SENP6: variants seen among roughly 807,000 people sequenced by gnomAD.
SENP6 encodes the protein sentrin-specific protease 6.
A neutral mutation model predicts 134.5 loss-of-function variants in SENP6; 41 were observed. The observed-to-expected ratio is 0.30, with a 90% CI of 0.24 to 0.40. SENP6 has a LOEUF of 0.40. Among genes scored for constraint, SENP6 ranks in the 10% least tolerant of loss-of-function variants. The probability of loss-of-function intolerance (pLI) is 1.00; values close to 1 mark genes in which losing one functional copy is unlikely to be tolerated. For synonymous variants in SENP6, 395 were observed against 429.8 expected (o/e 0.92, Z 1.00); for missense variants, 1,248 against 1,312.5 (o/e 0.95, Z 0.76).
chr6:75,663,094 G>A (rs1376686696), intron 8 of SENP6, 127 bp from the exon 9 acceptor site: 2 of 891,950 alleles, frequency 2.2e-6, no homozygotes, highest in African/African-American at 3.4e-5. Flanking sequence ...GCAGTAAAAT[G>A]CCAAAATCTT....
intron 11 of SENP6, among the ~76,000 whole-genome samples, chr6:75,673,983 T>C (rs1772884035): frequency 6.6e-6 from 1 of 152,010 alleles, no homozygotes; most frequent in Non-Finnish European, 1.5e-5. Flanking sequence ...ATTGTGCCAC[T>C]GCCTTCCAGC....
intron 12 of SENP6, 141 bp from the exon 13 acceptor site, chr6:75,675,719 A>G (rs1354672261): frequency 2.2e-6 from 2 of 895,484 alleles, no homozygotes; most frequent in Non-Finnish European, 3.4e-6. Context: ...GATTTTTTTT[A>G]TTACCCACAA....
intron 11 of SENP6, among the ~76,000 whole-genome samples, chr6:75,674,833 A>G (rs908400727): frequency 3.9e-5 from 6 of 152,218 alleles, no homozygotes; most frequent in African/African-American, 7.2e-5. Context: ...GAACATTTAT[A>G]TAACTCCCCG....
At chr6:75,679,208 G>A (rs1221951499) in intron 16 of SENP6, 1 of 261,778 alleles carries the variant, frequency 3.8e-6, no homozygotes, top group African/African-American at 2.3e-5. Flanking sequence ...GAGCCCAAGA[G>A]TTCACGACCA....
rs139705855 is a variant in SENP6 at position 75,650,109 on chromosome 6, G to A, written c.550+2308G>A. On this transcript the variant is annotated intron_variant, in intron 7 of 23. Transcript: ENST00000447266. The stretch of plus-strand genomic sequence containing the variant: ...TAACGATTTTGAAGACTAGTCAGTT[G>A]CTTTGTATAATGCCTCTCAATTTGG... 1.4e-3 allele frequency among the ~76,000 whole-genome samples: 219 copies of A among 152,250 alleles called. 1 individual carries two copies. Among genetic ancestry groups the A allele is most frequent in the African/African-American group, 5.1e-3 (212 of 41,548 alleles).
intron 10 of SENP6, among the ~76,000 whole-genome samples, chr6:75,670,345 TAAC>T (rs1235795997): frequency 6.6e-6 from 1 of 152,156 alleles, no homozygotes; most frequent in Non-Finnish European, 1.5e-5. Context: ...CAAATTTAAA[TAAC>T]AACCAAAGTA....
At chr6:75,616,335 C>T (rs191789171) in intron 1 of SENP6, among the ~76,000 whole-genome samples, 92 of 152,258 alleles carry the variant, frequency 6.0e-4, no homozygotes, top group African/African-American at 2.1e-3. Context: ...CTCCAGGTTG[C>T]CCCCAAACTT....
chr6:75,603,693 TTTG>T (rs1253213483), intron 1 of SENP6, among the ~76,000 whole-genome samples: 1 of 152,324 alleles, frequency 6.6e-6, no homozygotes, highest in Middle Eastern at 3.4e-3. Context: ...TTGGTACTGC[TTTG>T]TTAACAGCAC....
intron 3 of SENP6, among the ~76,000 whole-genome samples, chr6:75,630,269 C>T (rs1288994460): frequency 5.9e-5 from 9 of 152,002 alleles, no homozygotes; most frequent in African/African-American, 2.2e-4. Flanking sequence ...GGGGTTTCAC[C>T]ATGTTGGTCA....
intron 9 of SENP6, among the ~76,000 whole-genome samples, chr6:75,664,542 A>G (rs1431577039): frequency 6.6e-6 from 1 of 152,190 alleles, no homozygotes; most frequent in Non-Finnish European, 1.5e-5. Flanking sequence ...AATAACCAGT[A>G]AGTGGCAAAA....
In SENP6 at chr6:75,709,543, C is replaced by G. The variant is rs769330969; in HGVS notation, c.2733C>G (p.Ile911Met). The change falls in exon 20 of 24, where the codon ATC (isoleucine) becomes ATG (methionine). Residue 911 changes from isoleucine (I) to methionine (M), a missense_variant. Ile to Met is a conservative substitution (Grantham distance 10). This residue lies in a region of SENP6 where 386 missense variants were observed against 395.0 expected (regional missense o/e 0.98). Transcript: ENST00000447266. ...TTGATACAGATGGCTTAAGCAAAAT[C>G]AGACTAAACTATAGCGATGAATCAC... Reference protein sequence around the residue: ...STHHTDGLSKIRLNYSDESPE... With the variant: ...STHHTDGLSKMRLNYSDESPE... 1 of 1,613,048 alleles carries G rather than the reference C, an allele frequency of 6.2e-7. No homozygotes were observed. The highest frequency in any genetic ancestry group is 8.5e-7 in the Non-Finnish European group (1 of 1,179,312).
In SENP6 at chr6:75,621,218, G is replaced by A. The variant is rs574128886; in HGVS notation, c.53-314G>A. Among the ~76,000 whole-genome samples the A allele has an allele frequency of 2.5e-4, 38 of 152,316 alleles. 1 individual carries two copies. Among genetic ancestry groups the A allele is most frequent in the Admixed American group, 5.2e-4 (8 of 15,296 alleles). On this transcript the variant is annotated intron_variant, in intron 1 of 23. Coordinates refer to ENST00000447266, the MANE Select transcript of SENP6 (RefSeq NM_015571.4). The stretch of plus-strand genomic sequence containing the variant: ...ATAGGTACTTATTTCTAGAATCAGT[G>A]ATCAAAGATGAGATTTAGGGCTGAT...
At chr6:75,658,493 A>ATATG (rs1220596829) in intron 7 of SENP6, among the ~76,000 whole-genome samples, 1 of 152,086 alleles carries the variant, frequency 6.6e-6, no homozygotes, top group Non-Finnish European at 1.5e-5. Flanking sequence ...GGCCTCTTGG[A>ATATG]TACTTAATCC....
chr6:75,613,765 A>G (rs1767640569), intron 1 of SENP6, among the ~76,000 whole-genome samples: 2 of 152,124 alleles, frequency 1.3e-5, no homozygotes, highest in African/African-American at 4.8e-5. Context: ...GGAAATATAC[A>G]TTCTCTTAAG....
chr6:75,695,775 T>C, intron 16 of SENP6, 29 bp from the exon 17 acceptor site: 2 of 1,508,666 alleles, frequency 1.3e-6, no homozygotes, highest in Non-Finnish European at 1.8e-6. Context: ...GTTACATTAA[T>C]TATATTTGAA....
At chr6:75,709,198 C>T (rs1775603001) in intron 19 of SENP6, among the ~76,000 whole-genome samples, 1 of 152,002 alleles carries the variant, frequency 6.6e-6, no homozygotes, top group African/African-American at 2.4e-5. Context: ...CTAAAGATAC[C>T]TGACTTGCCT....
At chr6:75,682,136 G>A (rs1414276726) in intron 16 of SENP6, among the ~76,000 whole-genome samples, 1 of 151,826 alleles carries the variant, frequency 6.6e-6, no homozygotes, top group East Asian at 1.9e-4. Context: ...AATTACCAGG[G>A]ATCAAGAAGG....
chr6:75,627,093 A>AATCCCGT (rs1450176779), intron 3 of SENP6, among the ~76,000 whole-genome samples: 1 of 151,946 alleles, frequency 6.6e-6, no homozygotes, highest in Non-Finnish European at 1.5e-5. Context: ...CCTCCTGAGT[A>AATCCCGT]GCTGGGATTA....
intron 5 of SENP6, among the ~76,000 whole-genome samples, chr6:75,635,286 T>C (rs1484247902): frequency 6.6e-6 from 1 of 152,156 alleles, no homozygotes; most frequent in Non-Finnish European, 1.5e-5. Flanking sequence ...ATCTTGAAAG[T>C]ACTGCTTGAG....
Sources: gnomAD v4.1 joint callset for allele counts (sites outside exome capture counted in the v4.1 genomes callset) on GRCh38, gnomAD v4.1.1 for gene constraint, gnomAD v4.1.1 regional missense constraint, MANE v1.5 for transcripts, NCBI Gene and HGNC (gene_info 2026-07-23, HGNC 2026-07-21) for gene names.